The following ELP4 variants were observed in gnomAD, a reference collection of about 807,000 sequenced individuals.
ELP4 encodes the protein elongator complex protein 4.
A neutral mutation model predicts 48.9 loss-of-function variants in ELP4; 51 were observed. That is an observed-to-expected ratio of 1.04 (90% confidence interval 0.83 to 1.32). The LOEUF (loss-of-function observed/expected upper bound fraction) is 1.32. ELP4 is among the 40% of genes most tolerant of loss of function. The pLI is 0.00. For missense variants in ELP4, 519 were observed against 514.6 expected, an observed-to-expected ratio of 1.01 and a Z score of -0.08; for synonymous variants, 210 against 189.2, an observed-to-expected ratio of 1.11 and a Z score of -0.90.
Position 31,627,112 on chromosome 11 carries a change from C to A in ELP4, c.656C>A (p.Ser219Tyr), listed in dbSNP as rs768070743. ...TGAACCACTTCTTTTACCAACAGTT[C>A]TTTGACCCCTGGCTACACAAAGCTG... ...ISSTLKVEPC[S>Y]LTPGYTKLLQ... The change falls in exon 6 of 10, where the codon TCT becomes TAT. Residue 219 changes from serine to tyrosine, a missense_variant and splice_region_variant. Ser to Tyr is a moderately radical substitution (Grantham distance 144). Transcript: ENST00000640961. The A allele has an allele frequency of 6.2e-7, 1 of 1,603,326 alleles. No homozygotes were observed. The highest frequency in any genetic ancestry group is 1.1e-5 in the South Asian group (1 of 89,888).
chr11:31,540,078 C>G (rs1592096294), intron 3 of ELP4, among the ~76,000 whole-genome samples: 1 of 152,244 alleles, frequency 6.6e-6, no homozygotes, highest in East Asian at 1.9e-4. Flanking sequence ...TCACAAAAGT[C>G]ATGCTTAATA....
chr11:31,544,845 G>GA (rs1380090526), intron 3 of ELP4, among the ~76,000 whole-genome samples: 1 of 152,158 alleles, frequency 6.6e-6, no homozygotes, highest in African/African-American at 2.4e-5. Flanking sequence ...CGCGGTTCAC[G>GA]AAAAACCACT....
chr11:31,749,452 T>C (rs1003339248), intron 9 of ELP4, among the ~76,000 whole-genome samples: 4 of 152,218 alleles, frequency 2.6e-5, no homozygotes, highest in Non-Finnish European at 5.9e-5. Flanking sequence ...CTGACTTTTC[T>C]AAATGATATT....
At chr11:31,526,350 T>G (rs905788597) in intron 2 of ELP4, among the ~76,000 whole-genome samples, 18 of 152,238 alleles carry the variant, frequency 1.2e-4, no homozygotes, top group Admixed American at 1.1e-3. Flanking sequence ...TTAGTTATTT[T>G]TATTATTTAT....
intron 9 of ELP4, among the ~76,000 whole-genome samples, chr11:31,656,771 A>T (rs1945444860): frequency 6.6e-6 from 1 of 152,020 alleles, no homozygotes; most frequent in African/African-American, 2.4e-5. Context: ...CAAAGGGGAA[A>T]AGGTCTCTTC....
chr11:31,547,860 A>T (rs913637714), intron 3 of ELP4, among the ~76,000 whole-genome samples: 1 of 152,244 alleles, frequency 6.6e-6, no homozygotes, highest in Admixed American at 6.5e-5. Flanking sequence ...GTAATCCAGC[A>T]TATAAACAGA....
At chr11:31,513,410 CATTA>C (rs1341618631) in intron 1 of ELP4, among the ~76,000 whole-genome samples, 1 of 152,150 alleles carries the variant, frequency 6.6e-6, no homozygotes, top group East Asian at 1.9e-4. Context: ...TGAGATCCAG[CATTA>C]ATTAAGTAGT....
chr11:31,557,264 C>T (rs901983809), intron 3 of ELP4, among the ~76,000 whole-genome samples: 24 of 151,472 alleles, frequency 1.6e-4, no homozygotes, highest in Non-Finnish European at 3.0e-4. Context: ...CCAGACTTAC[C>T]CAAATATTGA....
At chr11:31,703,419 C>G (rs1257844338) in intron 9 of ELP4, among the ~76,000 whole-genome samples, 1 of 152,084 alleles carries the variant, frequency 6.6e-6, no homozygotes, top group Admixed American at 6.6e-5. Context: ...TGATCAAAAA[C>G]ATTAGCCAGT....
At chr11:31,700,325 G>A (rs546393117) in intron 9 of ELP4, among the ~76,000 whole-genome samples, 1 of 152,104 alleles carries the variant, frequency 6.6e-6, no homozygotes, top group East Asian at 1.9e-4. Context: ...ATACTTTTCT[G>A]TGTTTGAAAA....
At chr11:31,733,445 C>T (rs186473426) in intron 9 of ELP4, among the ~76,000 whole-genome samples, 1 of 145,608 alleles carries the variant, frequency 6.9e-6, no homozygotes, top group Non-Finnish European at 1.5e-5. Flanking sequence ...CCACTGCACT[C>T]CTGCCTGGGT....
intron 3 of ELP4, among the ~76,000 whole-genome samples, chr11:31,579,051 G>A (rs1957338081): frequency 6.6e-6 from 1 of 152,160 alleles, no homozygotes; most frequent in African/African-American, 2.4e-5. Flanking sequence ...CTGACTAAGG[G>A]CTAATATCCA....
intron 9 of ELP4, among the ~76,000 whole-genome samples, chr11:31,763,784 CTCTG>C (rs1396257978): frequency 6.6e-6 from 1 of 151,528 alleles, no homozygotes; most frequent in Non-Finnish European, 1.5e-5. Context: ...CTAACTTGTT[CTCTG>C]TCTGACTTAT....
At chr11:31,642,747 A>G (rs559499032) in intron 7 of ELP4, among the ~76,000 whole-genome samples, 1 of 151,990 alleles carries the variant, frequency 6.6e-6, no homozygotes, top group East Asian at 1.9e-4. Flanking sequence ...TTTCATGATT[A>G]TGAACAGAAT....
chr11:31,515,055 ATG>A (rs1956086276), intron 1 of ELP4, among the ~76,000 whole-genome samples: 1 of 147,510 alleles, frequency 6.8e-6, no homozygotes. Context: ...ATATATATAT[ATG>A]TATAGGTCCA....
rs573897010 is a variant in ELP4 at position 31,658,510 on chromosome 11, G to A, written c.1143+8289G>A. 7.4e-4 allele frequency among the ~76,000 whole-genome samples: 112 copies of A among 151,514 alleles called. 2 individuals carry two copies. In the South Asian group the frequency reaches 0.022, roughly 30 times the overall value. On this transcript the variant is annotated intron_variant, in intron 9 of 9. Coordinates refer to ENST00000640961, the MANE Select transcript of ELP4 (RefSeq NM_019040.5). ...CTCTAAAATACTATTTACTGTTATAGGATTTCTAAATCCAAAAGAAAGTGA... is the reference window on the plus strand; with the variant it reads ...CTCTAAAATACTATTTACTGTTATAAGATTTCTAAATCCAAAAGAAAGTGA...
intron 9 of ELP4, among the ~76,000 whole-genome samples, chr11:31,757,298 G>A (rs898002918): frequency 4.6e-5 from 7 of 152,042 alleles, no homozygotes; most frequent in South Asian, 2.1e-4. Flanking sequence ...GGAAAGCAGG[G>A]GAAGTATAAA....
rs112244430 is a variant in ELP4, at chr11:31,632,527, A to G, written c.927+122A>G. ...CCATCTTTTCAGGTGCTTTCTGGCC[A>G]TTTGCATGTCTTCTTTTGTCTGTCT... On this transcript the variant is annotated intron_variant, in intron 7 of 9. Coordinates refer to ENST00000640961, the MANE Select transcript of ELP4 (RefSeq NM_019040.5). 2.8e-3 allele frequency: 1,907 copies of G among 674,226 alleles called. 8 individuals are homozygous for G. Among genetic ancestry groups the G allele is most frequent in the South Asian group, 3.2e-3 (94 of 29,170 alleles). 41.8% of individuals were successfully genotyped at this position (674,226 alleles called of 1,614,324 possible). A position where few individuals can be genotyped will look rare whatever the true frequency, so the allele number is the denominator to read the frequency against.
intron 3 of ELP4, among the ~76,000 whole-genome samples, chr11:31,593,772 C>G (rs16922283): frequency 0.026 from 4,028 of 152,224 alleles, 168 homozygotes; most frequent in African/African-American, 0.091. Flanking sequence ...TAATGCTTAG[C>G]TAGGAATGAT....
Sources: allele counts gnomAD v4.1 joint callset (sites outside exome capture counted in the v4.1 genomes callset), GRCh38; gene constraint gnomAD v4.1.1; transcripts MANE v1.5; gene names NCBI Gene and HGNC (gene_info 2026-07-23, HGNC 2026-07-21).